CERS4: variants seen among roughly 807,000 people sequenced by gnomAD.
The protein encoded by CERS4 is LAG1 homolog, ceramide synthase 4.
Under a neutral mutation model 51.8 loss-of-function variants are expected in CERS4, and 65 were observed. That is an observed-to-expected ratio of 1.26 (90% CI 1.03 to 1.54). CERS4 has a LOEUF of 1.54. Ranked by LOEUF, CERS4 falls within the 40% of genes most tolerant of loss-of-function variation. The pLI is 0.00. For missense variants in CERS4, 563 were observed against 500.4 expected (o/e 1.13, Z -1.19); for synonymous variants, 228 against 208.4 (o/e 1.09, Z -0.81).
intron 6 of CERS4, 111 bp downstream of exon 6, chr19:8,255,990 A>T: frequency 8.1e-7 from 1 of 1,238,936 alleles, no homozygotes; most frequent in South Asian, 1.3e-5. Flanking sequence ...CATGCAGCTG[A>T]GGAGAGAGCG....
At chr19:8,260,597 G>A (rs1969633155) in intron 10 of CERS4, among the ~76,000 whole-genome samples, 1 of 151,836 alleles carries the variant, frequency 6.6e-6, no homozygotes, top group African/African-American at 2.4e-5. Flanking sequence ...TAAAGAGTGA[G>A]CTTTTTGTTT....
chr19:8,251,070 C>G lies in CERS4; in HGVS notation c.-1-6C>G. Reference sequence around the variant, plus strand: ...CCTCCCAGCTAACTGGAACCTGTGTCCACAGAATGCTGTCCAGTTTCAACG... The same window carrying G: ...CCTCCCAGCTAACTGGAACCTGTGTGCACAGAATGCTGTCCAGTTTCAACG... On this transcript the variant is annotated splice_polypyrimidine_tract_variant and splice_region_variant and intron_variant, in intron 2 of 11. Transcript: ENST00000251363. 1 of 1,582,356 alleles carries G rather than the reference C, an allele frequency of 6.3e-7. No homozygotes were observed. The highest frequency in any genetic ancestry group is 8.6e-7 in the Non-Finnish European group (1 of 1,163,672).
At chr19:8,252,094 G>C (rs138168613) in intron 3 of CERS4, among the ~76,000 whole-genome samples, 2 of 151,832 alleles carry the variant, frequency 1.3e-5, no homozygotes, top group East Asian at 3.9e-4. Flanking sequence ...AATTAGGCTG[G>C]GTGCAGTGGC....
At chr19:8,240,704 G>A (rs923079058) in intron 2 of CERS4, 3 of 151,900 alleles carry the variant, frequency 2.0e-5, no homozygotes, top group Admixed American at 6.6e-5. Context: ...CAGCTAGATT[G>A]AAAGCAAAAC....
In CERS4 at chr19:8,245,126, A is replaced by ACAAAAAAAACAAAAACAAACAAAC. The variant is rs1555777241; in HGVS notation, c.-1-5950_-1-5949insCAAAAAAAACAAAAACAAACAAAC. 1.9e-3 allele frequency among the ~76,000 whole-genome samples: 283 copies of ACAAAAAAAACAAAAACAAACAAAC among 148,228 alleles called. 4 individuals are homozygous for ACAAAAAAAACAAAAACAAACAAAC. The highest frequency in any genetic ancestry group is 6.5e-3 in the African/African-American group (259 of 39,632). On this transcript the variant is annotated intron_variant, in intron 2 of 11. Transcript: ENST00000251363. ...GACTCCATCTCAAAAAAAAAAAAAA[A>ACAAAAAAAACAAAAACAAACAAAC]AAAAAAAAACACTCTTGGCTTCAAG...
intron 2 of CERS4, among the ~76,000 whole-genome samples, chr19:8,217,250 C>G (rs1208069817): frequency 6.6e-6 from 1 of 152,142 alleles, no homozygotes; most frequent in Non-Finnish European, 1.5e-5. Context: ...GACTTGTTTA[C>G]TGCCCTCCCA....
At chr19:8,252,438 CTAACT>C (rs916205037) in intron 3 of CERS4, among the ~76,000 whole-genome samples, 5 of 36,008 alleles carry the variant, frequency 1.4e-4, no homozygotes, top group Admixed American at 5.1e-4. Context: ...CCATGGCTGG[CTAACT>C]TTTTTTTTTT....
chr19:8,245,122 A>AAAAACAAAAAAAAACAAAAAAAC (rs1555777239), intron 2 of CERS4, among the ~76,000 whole-genome samples: 34 of 129,276 alleles, frequency 2.6e-4, no homozygotes, highest in Middle Eastern at 3.9e-3. Flanking sequence ...AAAAAAAAAA[A>AAAAACAAAAAAAAACAAAAAAAC]AAAAAAAAAA....
At position 8,251,179 on chromosome 19, in the gene CERS4, C is replaced by A; in HGVS notation, c.103C>A (p.His35Asn). The change falls in exon 3 of 12, where the codon CAC becomes AAC. Residue 35 changes from histidine (H) to asparagine (N), a missense_variant. Physicochemically the swap from His to Asn is moderately conservative, Grantham distance 68. Transcript: ENST00000251363. ...AGACCGGGATGGCCGTGTCTACCCCCACCCCCAGGACTTGTTGGCAGCCCT... is the reference window on the plus strand; with the variant it reads ...AGACCGGGATGGCCGTGTCTACCCCAACCCCCAGGACTTGTTGGCAGCCCT... ...LEDRDGRVYP[H>N]PQDLLAALPL... The A allele has an allele frequency of 1.2e-6, 2 of 1,613,620 alleles. No individual in the cohort carries two copies. Among genetic ancestry groups the A allele is most frequent in the South Asian group, 1.1e-5 (1 of 90,884 alleles).
chr19:8,227,070 G>A (rs978780743), intron 2 of CERS4, among the ~76,000 whole-genome samples: 5 of 152,036 alleles, frequency 3.3e-5, no homozygotes, highest in African/African-American at 1.2e-4. Flanking sequence ...TGATGTTGCC[G>A]TGAGCCAAGA....
intron 2 of CERS4, among the ~76,000 whole-genome samples, chr19:8,243,336 G>A (rs1197654002): frequency 2.0e-5 from 3 of 152,054 alleles, no homozygotes; most frequent in African/African-American, 7.2e-5. Flanking sequence ...ACGGGCACAC[G>A]GGATCAAGCC....
intron 8 of CERS4, 45 bp from the exon 9 acceptor site, chr19:8,256,904 C>T (rs1969417302): frequency 2.5e-6 from 4 of 1,613,356 alleles, no homozygotes; most frequent in South Asian, 1.1e-5. Flanking sequence ...GGGGGACCTT[C>T]CAGCATCAAG....
At chr19:8,258,062 C>A in intron 10 of CERS4, 77 bp downstream of exon 10, 1 of 1,162,186 alleles carries the variant, frequency 8.6e-7, no homozygotes, top group African/African-American at 1.5e-5. Context: ...ACCATTGGTA[C>A]CCTGCCCCAA....
chr19:8,254,542 C>G lies in CERS4; in HGVS notation c.217C>G (p.Gln73Glu), dbSNP rs752376928. Residue 73 changes from glutamine to glutamate, a missense_variant, in exon 4 of 12, where the codon CAG becomes GAG. By Grantham distance (29) the Gln-to-Glu change is conservative. Coordinates refer to ENST00000251363, the MANE Select transcript of CERS4 (RefSeq NM_024552.3). ...PLSRWLGVRDQTRRQVKPNAT... is the reference protein window; with the variant it reads ...PLSRWLGVRDETRRQVKPNAT... ...GAGCCGGTGGCTGGGTGTGAGGGATCAGACCAGGAGGCAAGTGAAGCCCAA... is the reference window on the plus strand; with the variant it reads ...GAGCCGGTGGCTGGGTGTGAGGGATGAGACCAGGAGGCAAGTGAAGCCCAA... 1 of 1,613,706 alleles carries G rather than the reference C, an allele frequency of 6.2e-7. No individual in the cohort carries two copies. Among genetic ancestry groups the G allele is most frequent in the East Asian group, 2.2e-5 (1 of 44,862 alleles).
chr19:8,228,659 G>A (rs1468648827), intron 2 of CERS4, among the ~76,000 whole-genome samples: 1 of 149,680 alleles, frequency 6.7e-6, no homozygotes, highest in African/African-American at 2.5e-5. Flanking sequence ...TGGGCAACAA[G>A]AGCAAAACTC....
intron 3 of CERS4, among the ~76,000 whole-genome samples, chr19:8,251,800 T>TA (rs111723071): frequency 0.45 from 65,011 of 143,868 alleles, 14,300 homozygotes; most frequent in South Asian, 0.58. Flanking sequence ...CAAGACTCCA[T>TA]AAAAAAAAAA....
intron 3 of CERS4, 44 bp downstream of exon 3, chr19:8,251,293 C>T (rs201340404): frequency 6.5e-7 from 1 of 1,529,390 alleles, no homozygotes; most frequent in Admixed American, 2.1e-5. Context: ...CGCAGTCGCT[C>T]CAGTATGTGC....
At chr19:8,216,840 C>T (rs1250841672) in intron 2 of CERS4, among the ~76,000 whole-genome samples, 1 of 152,072 alleles carries the variant, frequency 6.6e-6, no homozygotes, top group African/African-American at 2.4e-5. Context: ...TTGGGGGTAG[C>T]GTACCTCGGG....
chr19:8,258,301 C>G (rs1228933482), intron 10 of CERS4, among the ~76,000 whole-genome samples: 3 of 152,174 alleles, frequency 2.0e-5, no homozygotes. Flanking sequence ...GCAGAGGCCA[C>G]AGTTCAAAGA....
Sources: gnomAD v4.1 joint callset for allele counts (sites outside exome capture counted in the v4.1 genomes callset) on GRCh38, gnomAD v4.1.1 for gene constraint, MANE v1.5 for transcripts, NCBI Gene and HGNC (gene_info 2026-07-23, HGNC 2026-07-21) for gene names.